SORCS2: variants seen among roughly 807,000 people sequenced by gnomAD.
The protein encoded by SORCS2 is VPS10 domain-containing receptor SorCS2.
A neutral mutation model predicts 141.6 loss-of-function variants in SORCS2; 100 were observed. The observed-to-expected ratio is 0.71, with a 90% CI of 0.60 to 0.83. The LOEUF is 0.83. Ranked by LOEUF, SORCS2 falls within the 40% of genes least tolerant of loss-of-function variation. The pLI is 0.00. For synonymous variants in SORCS2, 789 were observed against 676.9 expected (o/e 1.17, Z -2.57); for missense variants, 1,646 against 1,560.2 (o/e 1.05, Z -0.93).
chr4:7,507,625 G>A (rs1046423240), intron 2 of SORCS2, among the ~76,000 whole-genome samples: 1 of 152,192 alleles, frequency 6.6e-6, no homozygotes, highest in Non-Finnish European at 1.5e-5. Context: ...TGAATCAGTG[G>A]AGTGATTCCA....
chr4:7,512,675 C>T (rs968707353), intron 2 of SORCS2, among the ~76,000 whole-genome samples: 1 of 151,824 alleles, frequency 6.6e-6, no homozygotes, highest in African/African-American at 2.4e-5. Context: ...TACCCCTCCC[C>T]GCCCTGCTCA....
At position 7,386,607 on chromosome 4, in the gene SORCS2, CAT is replaced by C. The variant is rs769324502; in HGVS notation, c.481-9678_481-9677del. Among the ~76,000 whole-genome samples, 29 of 149,496 alleles carry C rather than the reference CAT, an allele frequency of 1.9e-4. No individual in the cohort carries two copies. In the East Asian group the frequency reaches 4.4e-3, roughly 23 times the overall value. On this transcript the variant is annotated intron_variant, in intron 1 of 26. Transcript: ENST00000507866. The stretch of plus-strand genomic sequence containing the variant: ...ACATACACATTTGCACACACGCACA[CAT>C]ATGCCCACCATACACATGAACACAT...
intron 2 of SORCS2, among the ~76,000 whole-genome samples, chr4:7,488,350 A>G (rs1731118730): frequency 6.6e-6 from 1 of 152,058 alleles, no homozygotes; most frequent in Admixed American, 6.6e-5. Context: ...CAAACAGAGG[A>G]CTCTGAGCTG....
intron 2 of SORCS2, among the ~76,000 whole-genome samples, chr4:7,417,848 G>A (rs1342001362): frequency 6.6e-6 from 1 of 152,228 alleles, no homozygotes; most frequent in Non-Finnish European, 1.5e-5. Flanking sequence ...ACGGGTCGCT[G>A]AAGGCTCCCA....
At chr4:7,434,635 G>T (rs117994430) in intron 2 of SORCS2, 1 of 1,613,376 alleles carries the variant, frequency 6.2e-7, no homozygotes, top group Non-Finnish European at 8.5e-7. Context: ...AGACTCCGTG[G>T]CGTCAGGGTT....
intron 1 of SORCS2, among the ~76,000 whole-genome samples, chr4:7,369,960 C>G (rs1216118401): frequency 6.6e-6 from 1 of 152,216 alleles, no homozygotes; most frequent in Non-Finnish European, 1.5e-5. Context: ...AGCTGTGTGA[C>G]CTTGGGTAGG....
At chr4:7,634,747 G>A (rs1720134459) in intron 3 of SORCS2, among the ~76,000 whole-genome samples, 1 of 152,178 alleles carries the variant, frequency 6.6e-6, no homozygotes, top group Non-Finnish European at 1.5e-5. Context: ...CTCCACCAGG[G>A]AGGGTCTGAC....
chr4:7,632,492 G>C (rs1013927436), intron 3 of SORCS2, among the ~76,000 whole-genome samples: 2 of 152,056 alleles, frequency 1.3e-5, no homozygotes, highest in Non-Finnish European at 2.9e-5. Flanking sequence ...CCTCTCCCCC[G>C]TCTTTCCTGG....
In SORCS2 at chr4:7,692,293, G is replaced by A. The variant is rs566247339; in HGVS notation, c.1591+2705G>A. Among the ~76,000 whole-genome samples the A allele has an allele frequency of 3.9e-5, 6 of 152,252 alleles. No homozygotes were observed. The East Asian group carries it at 1.2e-3, about 29-fold the overall frequency. On this transcript the variant is annotated intron_variant, in intron 11 of 26. Transcript: ENST00000507866. The stretch of plus-strand genomic sequence containing the variant: ...GATGATGGCTACCTGTTTCCACAGG[G>A]TCGCTCCCCTGCCCACCCCGCCGTT...
chr4:7,236,145 G>T (rs569639282), intron 1 of SORCS2, among the ~76,000 whole-genome samples: 1 of 152,338 alleles, frequency 6.6e-6, no homozygotes, highest in East Asian at 1.9e-4. Context: ...GCACAGAAAT[G>T]CATTCATGTA....
At chr4:7,573,247 A>G (rs1178235353) in intron 3 of SORCS2, among the ~76,000 whole-genome samples, 7 of 152,216 alleles carry the variant, frequency 4.6e-5, no homozygotes, top group African/African-American at 7.2e-5. Flanking sequence ...TCCCTGCGGC[A>G]TGATATCCAA....
At chr4:7,545,164 G>C (rs1187651856) in intron 3 of SORCS2, among the ~76,000 whole-genome samples, 1 of 149,816 alleles carries the variant, frequency 6.7e-6, no homozygotes, top group Non-Finnish European at 1.5e-5. Flanking sequence ...AAAAACTCGA[G>C]CTTTTCAGAA....
chr4:7,459,440 C>A (rs1052171317), intron 2 of SORCS2, among the ~76,000 whole-genome samples: 1 of 152,160 alleles, frequency 6.6e-6, no homozygotes, highest in Admixed American at 6.5e-5. Context: ...GGCTCAGTTT[C>A]CTTATCTGTA....
chr4:7,607,823 A>G (rs918381972), intron 3 of SORCS2, among the ~76,000 whole-genome samples: 1 of 152,016 alleles, frequency 6.6e-6, no homozygotes, highest in African/African-American at 2.4e-5. Context: ...AGTAGCAGAG[A>G]TAGGTGCTCC....
At chr4:7,699,825 C>A (rs1560493881) in intron 12 of SORCS2, among the ~76,000 whole-genome samples, 1 of 152,222 alleles carries the variant, frequency 6.6e-6, no homozygotes, top group African/African-American at 2.4e-5. Flanking sequence ...TTCCCCGAGA[C>A]AGAGAGCTCA....
At chr4:7,572,409 CATTTAAA>C (rs1467414328) in intron 3 of SORCS2, among the ~76,000 whole-genome samples, 1,676 of 152,210 alleles carry the variant, frequency 0.011, 38 homozygotes, top group African/African-American at 0.038. Context: ...TACGTTTAAT[CATTTAAA>C]CGTAAGTTTC....
intron 14 of SORCS2, among the ~76,000 whole-genome samples, chr4:7,709,095 A>C (rs989205750): frequency 2.0e-5 from 3 of 152,142 alleles, no homozygotes; most frequent in African/African-American, 7.2e-5. Flanking sequence ...TGAGGGAGGA[A>C]GGGAGTCCCG....
chr4:7,672,897 T>C (rs1160229035), intron 8 of SORCS2, among the ~76,000 whole-genome samples: 2 of 152,220 alleles, frequency 1.3e-5, no homozygotes, highest in Admixed American at 6.5e-5. Context: ...AGAGAGCTTT[T>C]TCCTGTTTCT....
At chr4:7,676,000 T>C in intron 8 of SORCS2, 50 bp from the exon 9 acceptor site, 1 of 1,542,940 alleles carries the variant, frequency 6.5e-7, no homozygotes, top group East Asian at 2.4e-5. Context: ...TCCTCCCTCG[T>C]GCAGCCCCCA....
Sources: allele counts gnomAD v4.1 joint callset (sites outside exome capture counted in the v4.1 genomes callset), GRCh38; gene constraint gnomAD v4.1.1; transcripts MANE v1.5; gene names NCBI Gene and HGNC (gene_info 2026-07-23, HGNC 2026-07-21).